PHTF2: variants seen among roughly 807,000 people sequenced by gnomAD.
The protein encoded by PHTF2 is putative homeodomain transcription factor 2.
Under a neutral mutation model 101.2 loss-of-function variants are expected in PHTF2, and 60 were observed. The observed-to-expected ratio is 0.59, with a 90% CI of 0.48 to 0.73. The LOEUF is 0.73. Among genes scored for constraint, PHTF2 ranks in the 30% least tolerant of loss-of-function variants. The pLI is 0.00. For missense variants in PHTF2, 747 were observed against 908.7 expected, an observed-to-expected ratio of 0.82 and a Z score of 2.29; for synonymous variants, 311 against 307.3, an observed-to-expected ratio of 1.01 and a Z score of -0.13.
At chr7:77,927,195 T>TATACACACAC (rs1554388751) in intron 11 of PHTF2, among the ~76,000 whole-genome samples, 1 of 78,510 alleles carries the variant, frequency 1.3e-5, no homozygotes, top group African/African-American at 3.7e-5. Context: ...TATATATATA[T>TATACACACAC]ACATACACAC....
intron 1 of PHTF2, among the ~76,000 whole-genome samples, chr7:77,815,440 C>T (rs146426330): frequency 0.021 from 3,152 of 152,142 alleles, 90 homozygotes; most frequent in African/African-American, 0.071. Context: ...GAAGCTATAA[C>T]TATTTGGAAA....
intron 3 of PHTF2, among the ~76,000 whole-genome samples, chr7:77,867,501 G>C (rs1798161708): frequency 6.6e-6 from 1 of 152,186 alleles, no homozygotes; most frequent in African/African-American, 2.4e-5. Context: ...AATTAAATAA[G>C]TTAATACGTG....
chr7:77,862,731 T>C (rs1554363593), intron 3 of PHTF2, among the ~76,000 whole-genome samples: 1 of 152,256 alleles, frequency 6.6e-6, no homozygotes, highest in Non-Finnish European at 1.5e-5. Flanking sequence ...TCATCAATGA[T>C]ATAATATTTG....
chr7:77,829,606 C>G (rs1241385635), intron 1 of PHTF2, among the ~76,000 whole-genome samples: 1 of 152,136 alleles, frequency 6.6e-6, no homozygotes, highest in African/African-American at 2.4e-5. Flanking sequence ...AGATTTCATT[C>G]TTTTTGTTTA....
chr7:77,923,666 T>G, intron 11 of PHTF2: 1 of 985,348 alleles, frequency 1.0e-6, no homozygotes, highest in Non-Finnish European at 1.2e-6. Flanking sequence ...TGTCATTTGA[T>G]GTAGTGTTTC....
intron 11 of PHTF2, among the ~76,000 whole-genome samples, chr7:77,926,674 CAG>C (rs1265628976): frequency 4.6e-5 from 7 of 151,888 alleles, no homozygotes; most frequent in Admixed American, 4.6e-4. Context: ...TTAATTGAGA[CAG>C]ACAATATTGG....
At chr7:77,934,172 T>G (rs961957131) in intron 12 of PHTF2, among the ~76,000 whole-genome samples, 1 of 152,256 alleles carries the variant, frequency 6.6e-6, no homozygotes, top group Non-Finnish European at 1.5e-5. Context: ...TTCTGTCTGC[T>G]ATACAGATGG....
intron 15 of PHTF2, among the ~76,000 whole-genome samples, chr7:77,941,566 A>G (rs1489389614): frequency 6.6e-6 from 1 of 152,170 alleles, no homozygotes; most frequent in Non-Finnish European, 1.5e-5. Context: ...CTCATACGTA[A>G]GCTTATACTT....
chr7:77,943,286 A>G (rs1805786500), intron 16 of PHTF2, among the ~76,000 whole-genome samples: 1 of 151,976 alleles, frequency 6.6e-6, no homozygotes, highest in Non-Finnish European at 1.5e-5. Flanking sequence ...ACACCCGGCT[A>G]ATTTATTTTT....
intron 12 of PHTF2, among the ~76,000 whole-genome samples, chr7:77,935,214 CTTTTTTTTTTTTT>C (rs1158677069): frequency 3.4e-5 from 2 of 59,250 alleles, no homozygotes; most frequent in Non-Finnish European, 6.5e-5. Context: ...GTAATTTACC[CTTTTTTTTTTTTT>C]TTTTTTTTTT....
intron 7 of PHTF2, among the ~76,000 whole-genome samples, chr7:77,905,943 A>G (rs904569774): frequency 6.6e-6 from 1 of 152,072 alleles, no homozygotes; most frequent in African/African-American, 2.4e-5. Flanking sequence ...CTCAAAAAGT[A>G]TAACTCAGCA....
At chr7:77,807,765 A>G (rs1262762430) in intron 1 of PHTF2, among the ~76,000 whole-genome samples, 1 of 152,214 alleles carries the variant, frequency 6.6e-6, no homozygotes, top group Non-Finnish European at 1.5e-5. Context: ...CAGCCAAGAA[A>G]TAATTGCCAA....
At chr7:77,932,576 GAGAA>G (rs1487801616) in intron 12 of PHTF2, among the ~76,000 whole-genome samples, 1 of 136,454 alleles carries the variant, frequency 7.3e-6, no homozygotes, top group Admixed American at 7.8e-5. Context: ...GAGGGAGAGA[GAGAA>G]AGAGGAAGAG....
chr7:77,880,374 T>G (rs1214482962), intron 3 of PHTF2, among the ~76,000 whole-genome samples: 1 of 152,190 alleles, frequency 6.6e-6, no homozygotes, highest in Non-Finnish European at 1.5e-5. Flanking sequence ...TCCCCACATA[T>G]AAAATCATTC....
intron 11 of PHTF2, among the ~76,000 whole-genome samples, chr7:77,926,220 T>C (rs1183936216): frequency 3.9e-5 from 6 of 152,218 alleles, no homozygotes; most frequent in Admixed American, 6.5e-5. Context: ...TTATATATAA[T>C]AAACTATCTT....
In PHTF2 at chr7:77,910,235, T is replaced by C. The variant is rs759773217; in HGVS notation, c.612-10T>C. On this transcript the variant is annotated splice_polypyrimidine_tract_variant and intron_variant, in intron 8 of 19. Transcript: ENST00000416283. ...AAGCTGCCTTCCATTCTTAATCTCT[T>C]CTGATGAAGGAAATTAAGAAAAGCA... The C allele has an allele frequency of 6.2e-7, 1 of 1,609,270 alleles. No homozygotes were observed. The highest frequency in any genetic ancestry group is 1.1e-5 in the South Asian group (1 of 90,060).
At chr7:77,836,010 C>T (rs890118002) in intron 1 of PHTF2, among the ~76,000 whole-genome samples, 4 of 148,236 alleles carry the variant, frequency 2.7e-5, no homozygotes, top group East Asian at 2.0e-4. Context: ...CCCAGCTACT[C>T]GGGAGGTTGA....
At chr7:77,949,440 T>G (rs1223951859) in intron 16 of PHTF2, among the ~76,000 whole-genome samples, 2 of 152,138 alleles carry the variant, frequency 1.3e-5, no homozygotes, top group African/African-American at 4.8e-5. Context: ...TGTAATATTA[T>G]TTTTTAATCT....
chr7:77,836,661 C>T (rs1275936654), intron 1 of PHTF2, among the ~76,000 whole-genome samples: 1 of 152,086 alleles, frequency 6.6e-6, no homozygotes, highest in African/African-American at 2.4e-5. Flanking sequence ...AAAGGATGTC[C>T]TTTGCAGGGA....
Sources: gnomAD v4.1 joint callset for allele counts (sites outside exome capture counted in the v4.1 genomes callset) on GRCh38, gnomAD v4.1.1 for gene constraint, MANE v1.5 for transcripts, NCBI Gene and HGNC (gene_info 2026-07-23, HGNC 2026-07-21) for gene names.